Variants in SEH1L observed in about 807,000 individuals in gnomAD.
SEH1L encodes the protein SEH1 like nucleoporin.
Under a neutral mutation model 49.5 loss-of-function variants are expected in SEH1L, and 18 were observed. The observed-to-expected ratio is 0.36, with a 90% confidence interval of 0.25 to 0.54. The LOEUF (loss-of-function observed/expected upper bound fraction) is 0.54, where lower values mean the gene tolerates loss of function less well. Among genes scored for constraint, SEH1L ranks in the 20% least tolerant of loss-of-function variants. The probability of loss-of-function intolerance (pLI) is 0.87; values close to 1 mark genes in which losing one functional copy is unlikely to be tolerated. For synonymous variants in SEH1L, 169 were observed against 178.1 expected (o/e 0.95, Z 0.41); for missense variants, 404 against 528.8 (o/e 0.76, Z 2.31).
At chr18:12,958,328 C>T (rs1438670731) in intron 3 of SEH1L, among the ~76,000 whole-genome samples, 2 of 151,602 alleles carry the variant, frequency 1.3e-5, no homozygotes, top group Non-Finnish European at 1.5e-5. Context: ...TCAAATGATT[C>T]TCCTGCCTTG....
At chr18:12,962,464 T>TTC (rs1401473619) in intron 3 of SEH1L, among the ~76,000 whole-genome samples, 5 of 121,740 alleles carry the variant, frequency 4.1e-5, no homozygotes, top group African/African-American at 1.6e-4. Flanking sequence ...CCTTTCTTTT[T>TTC]TTTTTTTTTT....
intron 8 of SEH1L, chr18:12,985,996 T>A: frequency 1.1e-6 from 1 of 898,426 alleles, no homozygotes; most frequent in Non-Finnish European, 1.3e-6. Context: ...CTTATATACA[T>A]TTGTGTATTT....
intron 2 of SEH1L, among the ~76,000 whole-genome samples, chr18:12,954,391 C>T (rs570772650): frequency 1.3e-5 from 2 of 152,268 alleles, no homozygotes; most frequent in East Asian, 3.9e-4. Context: ...AGTCTGTTAT[C>T]GATAGACTGT....
At chr18:12,980,540 G>A (rs1254628889) in intron 6 of SEH1L, among the ~76,000 whole-genome samples, 1 of 99,210 alleles carries the variant, frequency 1.0e-5, no homozygotes, top group Non-Finnish European at 2.1e-5. Flanking sequence ...CCTCCCTCCC[G>A]GACGGGGCGG....
chr18:12,950,164 G>A (rs1019321145), intron 1 of SEH1L, among the ~76,000 whole-genome samples: 4 of 151,928 alleles, frequency 2.6e-5, no homozygotes, highest in African/African-American at 9.7e-5. Context: ...CTCTCCAGTA[G>A]CTGGGACTAC....
intron 5 of SEH1L, chr18:12,974,255 C>T (rs889381686): frequency 8.6e-5 from 13 of 151,976 alleles, no homozygotes; most frequent in African/African-American, 2.7e-4. Flanking sequence ...TATGTAGTAT[C>T]GTTATTAATA....
intron 5 of SEH1L, chr18:12,973,412 GC>G (rs1276070908): frequency 6.6e-6 from 1 of 151,414 alleles, no homozygotes; most frequent in Admixed American, 6.6e-5. Context: ...TGATTCTCCT[GC>G]CTTAGCCTCC....
chr18:12,957,182 C>T (rs1380646855), intron 3 of SEH1L, among the ~76,000 whole-genome samples: 1 of 152,214 alleles, frequency 6.6e-6, no homozygotes, highest in African/African-American at 2.4e-5. Context: ...AATCCCAGCA[C>T]TTTAGGAGGC....
chr18:12,949,075 G>C lies in SEH1L; in HGVS notation c.111+843G>C, dbSNP rs191718283. On this transcript the variant is annotated intron_variant, in intron 1 of 8. Transcript: ENST00000399892. Reference sequence around the variant, plus strand: ...AGAGTTTCACCATGTGGGCCAGGCTGGTCTCGAACTCCTGACCTCGTGATC... The same window carrying C: ...AGAGTTTCACCATGTGGGCCAGGCTCGTCTCGAACTCCTGACCTCGTGATC... 1.3e-3 allele frequency among the ~76,000 whole-genome samples: 201 copies of C among 151,206 alleles called. 1 individual carries two copies. Among genetic ancestry groups the C allele is most frequent in the African/African-American group, 4.4e-3 (181 of 41,262 alleles).
chr18:12,979,079 T>C (rs1370970286), intron 6 of SEH1L, among the ~76,000 whole-genome samples, 187 bp downstream of exon 6: 2 of 151,994 alleles, frequency 1.3e-5, no homozygotes, highest in East Asian at 3.9e-4. Flanking sequence ...TTTCTTTCTT[T>C]TTTTTTTTAT....
chr18:12,956,499 TC>T (rs2030873468), intron 3 of SEH1L, among the ~76,000 whole-genome samples: 1 of 148,254 alleles, frequency 6.7e-6, no homozygotes, highest in Non-Finnish European at 1.5e-5. Flanking sequence ...TCCCAGGGCT[TC>T]TTTTTTCCTA....
intron 1 of SEH1L, 66 bp from the exon 2 acceptor site, chr18:12,951,781 GATTCAGTC>G: frequency 1.1e-6 from 1 of 869,610 alleles, no homozygotes; most frequent in Middle Eastern, 2.2e-4. Flanking sequence ...CTTGTACACT[GATTCAGTC>G]TTATAGTTTT....
At chr18:12,950,281 T>C (rs949777619) in intron 1 of SEH1L, among the ~76,000 whole-genome samples, 5 of 152,056 alleles carry the variant, frequency 3.3e-5, no homozygotes, top group African/African-American at 9.7e-5. Context: ...AGTGATCCTC[T>C]CACCTCAGCC....
At chr18:12,953,311 TAAG>T (rs1187600186) in intron 2 of SEH1L, among the ~76,000 whole-genome samples, 1 of 152,232 alleles carries the variant, frequency 6.6e-6, no homozygotes, top group Non-Finnish European at 1.5e-5. Context: ...TGAGTAATGT[TAAG>T]AACGTGCCAT....
chr18:12,975,752 G>A (rs1039666662), intron 5 of SEH1L: 6 of 987,204 alleles, frequency 6.1e-6, no homozygotes, highest in Non-Finnish European at 7.2e-6. Context: ...TTTGGCAGCT[G>A]TGTGGACTGG....
rs780133963 is a variant in SEH1L, at chr18:12,949,219, A to G, written c.111+987A>G. ...GCTACATGAGATTTAGGAACCTCCC[A>G]GATGTGTTGCAGGATGAATGAAAGC... On this transcript the variant is annotated intron_variant, in intron 1 of 8. Transcript: ENST00000399892. Among the ~76,000 whole-genome samples the G allele has an allele frequency of 1.3e-3, 198 of 151,770 alleles. 1 individual carries two copies. Among genetic ancestry groups the G allele is most frequent in the South Asian group, 3.1e-3 (15 of 4,812 alleles).
rs199814016 is a variant in SEH1L at position 12,963,363 on chromosome 18, C to T, written c.513C>T (p.Asn171=). The T allele has an allele frequency of 5.6e-6, 9 of 1,613,044 alleles. No individual in the cohort carries two copies. The highest frequency in any genetic ancestry group is 5.3e-5 in the African/African-American group (4 of 75,020). ...TAAGCTGTAGTTGTATTTCTTGGAA[C>T]CCTTCAAGGTAAGTTTACATATTAA... ...CKLSCSCISW[N]PSSSRAHSPM... Residue 171 remains asparagine (N), a synonymous_variant, in exon 4 of 9, where the codon AAC becomes AAT. Coordinates refer to ENST00000399892, the MANE Select transcript of SEH1L (RefSeq NM_001013437.2).
intron 4 of SEH1L, among the ~76,000 whole-genome samples, chr18:12,964,235 A>G (rs1004951201): frequency 1.4e-4 from 21 of 152,354 alleles, no homozygotes; most frequent in Non-Finnish European, 2.4e-4. Flanking sequence ...AATCCATAAG[A>G]ATACAAAAAG....
intron 2 of SEH1L, among the ~76,000 whole-genome samples, chr18:12,953,301 T>C (rs577206308): frequency 9.8e-5 from 15 of 152,350 alleles, no homozygotes; most frequent in African/African-American, 3.1e-4. Flanking sequence ...TTGGCTGTTA[T>C]GAGTAATGTT....
Sources: allele counts gnomAD v4.1 joint callset (sites outside exome capture counted in the v4.1 genomes callset), GRCh38; gene constraint gnomAD v4.1.1; transcripts MANE v1.5; gene names NCBI Gene and HGNC (gene_info 2026-07-23, HGNC 2026-07-21).